Variants in SAFB observed in about 807,000 individuals in gnomAD.
SAFB encodes scaffold attachment factor B.
Under a neutral mutation model 101.6 loss-of-function variants are expected in SAFB, and 15 were observed. The observed-to-expected ratio is 0.15, with a 90% CI of 0.10 to 0.23. SAFB has a LOEUF of 0.23. Ranked by LOEUF, SAFB falls within the 10% of genes least tolerant of loss-of-function variation. SAFB has a pLI of 1.00. For synonymous variants in SAFB, 449 were observed against 407.5 expected (o/e 1.10, Z -1.23); for missense variants, 930 against 1,104.1 (o/e 0.84, Z 2.23).
At chr19:5,623,570 G>T (rs1257714938) in intron 1 of SAFB, among the ~76,000 whole-genome samples, 176 bp downstream of exon 1, 1 of 152,196 alleles carries the variant, frequency 6.6e-6, no homozygotes, top group Admixed American at 6.5e-5. Flanking sequence ...GGCCGGCTGG[G>T]CCTGGGTTCA....
chr19:5,623,104 G>C lies in SAFB; in HGVS notation c.-102G>C. ...GCGCAGAAGCGAGGCGCGCTGGGGC[G>C]ACTGGAGCGGTTCCCTCGCAGGCGG... is the stretch of plus-strand genomic sequence containing the variant. On this transcript the variant is annotated 5_prime_UTR_variant, in exon 1 of 21. Transcript: ENST00000588852. 8.2e-7 allele frequency: 1 copy of C among 1,219,832 alleles called. No individual in the cohort carries two copies. The allele number at this position is 1,219,832 out of a possible 1,614,324, so 75.6% of individuals were successfully genotyped here. A position where few individuals can be genotyped will look rare whatever the true frequency, so the allele number is the denominator to read the frequency against.
rs546317881 is a variant in SAFB, at chr19:5,668,012, T to C, written c.2624+126T>C. The C allele has an allele frequency of 7.5e-5, 105 of 1,400,042 alleles. 1 individual carries two copies. In the South Asian group the frequency reaches 1.4e-3, roughly 18 times the overall value. 86.7% of individuals were successfully genotyped at this position (1,400,042 alleles called of 1,614,324 possible). A position where few individuals can be genotyped will look rare whatever the true frequency, so the allele number is the denominator to read the frequency against. ...CCCAAGGGTGACGTGAGGCCAGGCA[T>C]GGGGTACTGTGGAGGCTGCTGCCAC... is the stretch of plus-strand genomic sequence containing the variant. On this transcript the variant is annotated intron_variant, in intron 20 of 20. Transcript: ENST00000588852.
At position 5,667,216 on chromosome 19, in the gene SAFB, G is replaced by C. The variant is rs754701739; in HGVS notation, c.2453+52G>C. On this transcript the variant is annotated intron_variant, in intron 18 of 20. Coordinates refer to ENST00000588852, the MANE Select transcript of SAFB (RefSeq NM_001201338.2). This position sits in a 1 kb window ranked among gnomAD's most constrained non-coding sequence, Gnocchi z 4.0. The stretch of plus-strand genomic sequence containing the variant: ...TGACCCCCCCCCCGCCCACAAGGGG[G>C]CCCGCAAGTCGCTGGGATGTGGGCA... 11 of 1,291,554 alleles carry C rather than the reference G, an allele frequency of 8.5e-6. No homozygotes were observed. The highest frequency in any genetic ancestry group is 1.2e-5 in the Non-Finnish European group (11 of 928,902). The allele number at this position is 1,291,554 out of a possible 1,614,324, so 80.0% of individuals were successfully genotyped here.
At chr19:5,632,133 T>C (rs1045248399) in intron 2 of SAFB, among the ~76,000 whole-genome samples, 1 of 152,150 alleles carries the variant, frequency 6.6e-6, no homozygotes, top group African/African-American at 2.4e-5. Flanking sequence ...TTATGGTGTT[T>C]GAGAATGTTT....
chr19:5,654,314 T>C, intron 12 of SAFB, 54 bp from the exon 13 acceptor site: 1 of 1,591,548 alleles, frequency 6.3e-7, no homozygotes, highest in Non-Finnish European at 8.6e-7. Context: ...AGAGGGTTTT[T>C]CTCATCTGGG....
Position 5,649,431 on chromosome 19 carries a change from C to T in SAFB, c.1080C>T (p.Asp360=), listed in dbSNP as rs1213616882. 2.1e-6 allele frequency: 1 copy of T among 482,354 alleles called. No homozygotes were observed. Among genetic ancestry groups the T allele is most frequent in the Non-Finnish European group, 3.4e-6 (1 of 291,100 alleles). 29.9% of individuals were successfully genotyped at this position (482,354 alleles called of 1,614,324 possible). Residue 360 remains aspartate (D), a synonymous_variant, in exon 7 of 21, where the codon GAC becomes GAT. Coordinates refer to ENST00000588852, the MANE Select transcript of SAFB (RefSeq NM_001201338.2). The part of the protein sequence containing the change: ...SKEDGRKFDF[D]ACNEVPPAPK... Reference sequence around the variant, plus strand: ...AAGACGGGAGGAAGTTTGATTTTGACGCTTGTAATGAAGTCCCTCCGGCTC... The same window carrying T: ...AAGACGGGAGGAAGTTTGATTTTGATGCTTGTAATGAAGTCCCTCCGGCTC...
At chr19:5,626,362 G>A in intron 1 of SAFB, 43 bp from the exon 2 acceptor site, 1 of 1,146,098 alleles carries the variant, frequency 8.7e-7, no homozygotes, top group Non-Finnish European at 1.3e-6. Flanking sequence ...AGCAGTGTGT[G>A]AGCTGACTTT....
In SAFB at chr19:5,654,204, G is replaced by GGCA. The variant is rs1205319982; in HGVS notation, c.1666+7_1666+9dup. The stretch of plus-strand genomic sequence containing the variant: ...CGATCTCGAGCCACAAAGTCAGGTG[G>GGCA]GCAGCTCATGAGCCCAGGAGATTCT... On this transcript the variant is annotated splice_donor_region_variant and intron_variant, in intron 12 of 20. Coordinates refer to ENST00000588852, the MANE Select transcript of SAFB (RefSeq NM_001201338.2). 6.2e-7 allele frequency: 1 copy of GGCA among 1,614,062 alleles called. No individual in the cohort carries two copies. Among genetic ancestry groups the GGCA allele is most frequent in the Non-Finnish European group, 8.5e-7 (1 of 1,180,026 alleles).
At chr19:5,658,858 G>T (rs921762067) in intron 14 of SAFB, among the ~76,000 whole-genome samples, 4 of 144,304 alleles carry the variant, frequency 2.8e-5, no homozygotes, top group Non-Finnish European at 6.1e-5. Flanking sequence ...AAAAGGGGGG[G>T]TCGGGGGGCC....
At position 5,626,468 on chromosome 19, in the gene SAFB, A is replaced by G. The variant is rs199869407; in HGVS notation, c.253A>G (p.Thr85Ala). 249 of 1,606,294 alleles carry G rather than the reference A, an allele frequency of 1.6e-4. No individual in the cohort carries two copies. Among genetic ancestry groups the G allele is most frequent in the Non-Finnish European group, 2.0e-4 (230 of 1,172,886 alleles). Residue 85 changes from threonine (T) to alanine (A), a missense_variant, in exon 2 of 21, where the codon ACA becomes GCA. Around this residue, in one of 7 missense-constraint regions of SAFB, gnomAD observed 119 missense variants for 171.4 expected, o/e 0.69. Transcript: ENST00000588852. ...AATTACCTCCGAGGGAAACAAGAAA[A>G]CATCAAAGAGGTCTAGCAAAGGTAT... is the stretch of plus-strand genomic sequence containing the variant. ...IEITSEGNKKTSKRSSKGRKP... is the reference protein window; with the variant it reads ...IEITSEGNKKASKRSSKGRKP...
Position 5,657,276 on chromosome 19 carries a change from A to T in SAFB, c.1791A>T (p.Arg597Ser). ...GCCAGGATCGCAAATCAGCCAGCAG[A>T]GAGAAGCGGTCCGTCGTGTCCTTTG... Reference protein sequence around the residue: ...SKSQDRKSASREKRSVVSFDK... With the variant: ...SKSQDRKSASSEKRSVVSFDK... The change falls in exon 14 of 21, where the codon AGA becomes AGT. Residue 597 changes from arginine to serine, a missense_variant. Arg to Ser is a moderately radical substitution (Grantham distance 110). Transcript: ENST00000588852. The T allele has an allele frequency of 6.2e-7, 1 of 1,614,092 alleles. No individual in the cohort carries two copies. The highest frequency in any genetic ancestry group is 8.5e-7 in the Non-Finnish European group (1 of 1,179,984).
chr19:5,656,054 A>G (rs1242907572), intron 13 of SAFB, among the ~76,000 whole-genome samples: 2 of 152,172 alleles, frequency 1.3e-5, no homozygotes, highest in African/African-American at 2.4e-5. Context: ...ATATTTTAGC[A>G]TTAAATGTTG....
chr19:5,639,538 C>T (rs1274557790), intron 2 of SAFB, among the ~76,000 whole-genome samples: 1 of 151,612 alleles, frequency 6.6e-6, no homozygotes, highest in East Asian at 2.0e-4. Flanking sequence ...ACTAAAAATA[C>T]AAAAATTAAC....
chr19:5,664,222 A>G (rs1260181701), intron 16 of SAFB, 63 bp downstream of exon 16: 2 of 1,572,314 alleles, frequency 1.3e-6, no homozygotes, highest in African/African-American at 1.4e-5. Flanking sequence ...GACTGAGAAC[A>G]AGGACTCCTG....
At chr19:5,642,003 A>C in intron 4 of SAFB, 57 bp downstream of exon 4, 3 of 1,350,784 alleles carry the variant, frequency 2.2e-6, no homozygotes, top group Non-Finnish European at 3.2e-6. Flanking sequence ...TCCACAATTA[A>C]AATAGGTGAT....
chr19:5,626,271 C>CGTATCATTAGAAA, intron 1 of SAFB, 134 bp from the exon 2 acceptor site: 1 of 564,018 alleles, frequency 1.8e-6, no homozygotes, highest in Non-Finnish European at 3.2e-6. Flanking sequence ...GTGGATGGGC[C>CGTATCATTAGAAA]ACAGGTCCTG....
At chr19:5,628,580 G>A (rs933234995) in intron 2 of SAFB, among the ~76,000 whole-genome samples, 1 of 152,118 alleles carries the variant, frequency 6.6e-6, no homozygotes, top group South Asian at 2.1e-4. Context: ...TTCAGATAGG[G>A]TTGCCCAACC....
intron 1 of SAFB, among the ~76,000 whole-genome samples, chr19:5,625,986 G>A (rs952387946): frequency 1.3e-5 from 2 of 152,164 alleles, no homozygotes; most frequent in African/African-American, 4.8e-5. Context: ...TGTGAGTAAA[G>A]TCAGGGGAAA....
chr19:5,644,845 C>T (rs184477749), intron 4 of SAFB, among the ~76,000 whole-genome samples: 1 of 152,316 alleles, frequency 6.6e-6, no homozygotes, highest in East Asian at 1.9e-4. Context: ...GTCTCGAGCT[C>T]CTGTCCTCAC....
Sources: allele counts gnomAD v4.1 joint callset (sites outside exome capture counted in the v4.1 genomes callset), GRCh38; gene constraint gnomAD v4.1.1; regional missense constraint gnomAD v4.1.1; non-coding constraint Gnocchi (gnomAD v3.1); transcripts MANE v1.5; gene names NCBI Gene and HGNC (gene_info 2026-07-23, HGNC 2026-07-21).